Variants in GULP1 observed in about 807,000 individuals in gnomAD.
GULP1 encodes the protein GULP PTB domain containing engulfment adaptor 1, also known as PTB domain-containing engulfment adapter protein 1.
In GULP1, 19 loss-of-function variants were observed where a neutral mutation model predicts 40.9. The ratio of observed to expected loss-of-function variants is 0.46; its 90% CI spans 0.32 to 0.68. The LOEUF (loss-of-function observed/expected upper bound fraction) is 0.68. GULP1 is among the 30% of genes least tolerant of loss of function. GULP1 has a pLI of 0.03. For missense variants in GULP1, 312 were observed against 362.2 expected (o/e 0.86, Z 1.12); for synonymous variants, 119 against 117.6 (o/e 1.01, Z -0.08).
intron 7 of GULP1, among the ~76,000 whole-genome samples, chr2:188,559,653 A>C (rs2153406287): frequency 6.6e-6 from 1 of 152,280 alleles, no homozygotes; most frequent in South Asian, 2.1e-4. Context: ...TAACTGAGTT[A>C]AGGCTTTGGG....
At chr2:188,461,198 C>T (rs2059677261) in intron 2 of GULP1, among the ~76,000 whole-genome samples, 2 of 152,140 alleles carry the variant, frequency 1.3e-5, no homozygotes, top group Admixed American at 6.5e-5. Flanking sequence ...GTATTCCCTC[C>T]ACCTCTGTTT....
intron 11 of GULP1, chr2:188,588,803 A>G (rs1702933528): frequency 6.6e-6 from 1 of 152,082 alleles, no homozygotes; most frequent in Non-Finnish European, 1.5e-5. Flanking sequence ...TAGAAAAAAC[A>G]ATTATGGGTG....
intron 2 of GULP1, among the ~76,000 whole-genome samples, chr2:188,440,797 A>T (rs1463761198): frequency 6.6e-6 from 1 of 152,146 alleles, no homozygotes; most frequent in Non-Finnish European, 1.5e-5. Context: ...ATTCCTCAAT[A>T]CTTTACTATG....
intron 3 of GULP1, among the ~76,000 whole-genome samples, chr2:188,479,895 G>A (rs568543539): frequency 6.6e-6 from 1 of 152,212 alleles, no homozygotes; most frequent in East Asian, 1.9e-4. Flanking sequence ...GAATCAAGAA[G>A]CAGAAGCACT....
At chr2:188,318,495 T>C (rs1022713525) in intron 1 of GULP1, among the ~76,000 whole-genome samples, 1 of 152,156 alleles carries the variant, frequency 6.6e-6, no homozygotes, top group Admixed American at 6.6e-5. Context: ...TAGCTCAATA[T>C]GAGGCAGAAG....
intron 4 of GULP1, among the ~76,000 whole-genome samples, chr2:188,513,712 C>T (rs992917773): frequency 5.9e-5 from 9 of 151,936 alleles, no homozygotes; most frequent in Non-Finnish European, 1.2e-4. Context: ...GGCACAAGCA[C>T]ACAATTGTGC....
At chr2:188,529,751 G>A (rs1404096348) in intron 6 of GULP1, among the ~76,000 whole-genome samples, 1 of 152,106 alleles carries the variant, frequency 6.6e-6, no homozygotes, top group African/African-American at 2.4e-5. Flanking sequence ...CCCTCTTGCT[G>A]CCTTTTCACA....
intron 1 of GULP1, among the ~76,000 whole-genome samples, chr2:188,310,154 T>C (rs769202593): frequency 1.8e-4 from 28 of 152,202 alleles, no homozygotes; most frequent in Admixed American, 1.0e-3. Flanking sequence ...TAGAGTTCTG[T>C]AGCTGTGGAC....
chr2:188,301,547 C>T (rs1256776192), intron 1 of GULP1, among the ~76,000 whole-genome samples: 1 of 152,190 alleles, frequency 6.6e-6, no homozygotes, highest in Non-Finnish European at 1.5e-5. Context: ...TCCACTCTTT[C>T]CCACATAACT....
At chr2:188,567,665 T>C (rs1005493395) in intron 7 of GULP1, among the ~76,000 whole-genome samples, 2 of 151,878 alleles carry the variant, frequency 1.3e-5, no homozygotes, top group African/African-American at 4.8e-5. Context: ...GGAGGGAACT[T>C]AGAGGATGGG....
intron 1 of GULP1, among the ~76,000 whole-genome samples, chr2:188,303,514 G>T (rs574258658): frequency 6.6e-6 from 1 of 152,308 alleles, no homozygotes; most frequent in East Asian, 1.9e-4. Context: ...TGGTGAAACT[G>T]TAGGTAGGAA....
rs139511345 is a variant in GULP1 at position 188,576,976 on chromosome 2, A to C, written c.609+6856A>C. Among the ~76,000 whole-genome samples, 424 of 152,244 alleles carry C rather than the reference A, an allele frequency of 2.8e-3. 3 individuals carry two copies. The highest frequency in any genetic ancestry group is 0.024 in the Middle Eastern group (7 of 294). On this transcript the variant is annotated intron_variant, in intron 9 of 11. Transcript: ENST00000409830. ...GCCCTCATAGCCTCATAGCCTCATG[A>C]ATGCCTGCAGAAGATTGTTTCATTA...
intron 2 of GULP1, among the ~76,000 whole-genome samples, chr2:188,442,843 T>C (rs2058053326): frequency 6.6e-6 from 1 of 152,172 alleles, no homozygotes; most frequent in Admixed American, 6.5e-5. Context: ...TTGAATTTTA[T>C]CCAAAAGATC....
chr2:188,460,614 C>G (rs1460110642), intron 2 of GULP1, among the ~76,000 whole-genome samples: 1 of 152,140 alleles, frequency 6.6e-6, no homozygotes, highest in Non-Finnish European at 1.5e-5. Flanking sequence ...AGTTTGGCTT[C>G]TTCCTTTCCA....
intron 4 of GULP1, among the ~76,000 whole-genome samples, chr2:188,522,460 T>C (rs1471649620): frequency 6.6e-6 from 1 of 152,092 alleles, no homozygotes. Flanking sequence ...ATCAACATTA[T>C]TCCCTTGGGC....
chr2:188,588,784 C>T (rs1485213302), intron 11 of GULP1: 2 of 151,998 alleles, frequency 1.3e-5, no homozygotes, highest in African/African-American at 2.4e-5. Context: ...TTCTCTATGC[C>T]TCACTTCCTA....
chr2:188,334,317 T>G (rs977085694), intron 1 of GULP1, among the ~76,000 whole-genome samples: 5 of 152,202 alleles, frequency 3.3e-5, no homozygotes, highest in Non-Finnish European at 5.9e-5. Context: ...ATCAGATACT[T>G]ATAATTATTT....
intron 4 of GULP1, among the ~76,000 whole-genome samples, chr2:188,521,531 C>A (rs1205458993): frequency 1.3e-5 from 2 of 152,086 alleles, no homozygotes; most frequent in African/African-American, 4.8e-5. Context: ...GAAGGAAGAG[C>A]AAAGTCATGT....
chr2:188,365,222 A>G (rs893151891), intron 1 of GULP1, among the ~76,000 whole-genome samples: 1 of 151,568 alleles, frequency 6.6e-6, no homozygotes, highest in African/African-American at 2.4e-5. Context: ...GGCAGTACAC[A>G]TGGTCCTATA....
Sources: allele counts gnomAD v4.1 joint callset (sites outside exome capture counted in the v4.1 genomes callset), GRCh38; gene constraint gnomAD v4.1.1; transcripts MANE v1.5; gene names NCBI Gene and HGNC (gene_info 2026-07-23, HGNC 2026-07-21).